CACNA1F: variants seen among roughly 807,000 people sequenced by gnomAD.
The protein encoded by CACNA1F is voltage-dependent L-type calcium channel subunit alpha-1F.
In CACNA1F, 59 loss-of-function variants were observed where a neutral mutation model predicts 143.8. The observed-to-expected ratio is 0.41, with a 90% CI of 0.33 to 0.51. The LOEUF is 0.51. Among genes scored for constraint, CACNA1F ranks in the 20% least tolerant of loss-of-function variants. The pLI is 0.22. For missense variants in CACNA1F, 1,411 were observed against 1,647.5 expected, an observed-to-expected ratio of 0.86 and a Z score of 2.48; for synonymous variants, 643 against 649.1, an observed-to-expected ratio of 0.99 and a Z score of 0.14.
At chrX:49,222,298 C>T in intron 17 of CACNA1F, 1 of 426,245 alleles carries the variant, frequency 2.3e-6, no homozygotes, top group Non-Finnish European at 4.1e-6. Flanking sequence ...GGCAAGGACT[C>T]TTGTCTGCCT....
At position 49,228,359 on chromosome X, in the gene CACNA1F, G is replaced by A. The variant is rs1349325356; in HGVS notation, c.906C>T (p.Arg302=). 1 of 1,209,165 alleles carries A rather than the reference G, an allele frequency of 8.3e-7. No homozygotes were observed. The highest frequency in any genetic ancestry group is 3.0e-5 in the East Asian group (1 of 33,722). ...TGATGCCTCCATTGGGCCCTGGCCA[G>A]CGCCCGCGGCACTCAGTCTGGTTCA... The part of the protein sequence containing the change: ...CTLNQTECRG[R]WPGPNGGITN... Residue 302 remains arginine, a synonymous_variant, in exon 7 of 48, where the codon CGC becomes CGT. Transcript: ENST00000323022.
In CACNA1F at chrX:49,231,003, C is replaced by A; in HGVS notation, c.382-14G>T. ...CTCCACCTGCTCCTGGGGGTGGGAC[C>A]GGGGGGCGGGTCGGGAAGTCGAGGA... On this transcript the variant is annotated splice_polypyrimidine_tract_variant and intron_variant, in intron 3 of 47. Coordinates refer to ENST00000323022, the MANE Select transcript of CACNA1F (RefSeq NM_001256789.3). 7.8e-6 allele frequency: 4 copies of A among 515,528 alleles called. No individual in the cohort carries two copies. Among genetic ancestry groups the A allele is most frequent in the Non-Finnish European group, 8.4e-6 (3 of 356,824 alleles). 42.5% of individuals were successfully genotyped at this position (515,528 alleles called of 1,213,427 possible).
Position 49,209,701 on chromosome X carries a change from G to T in CACNA1F, c.4749C>A (p.Arg1583=), listed in dbSNP as rs781792481. The T allele has an allele frequency of 4.4e-5, 53 of 1,209,838 alleles. No individual in the cohort carries two copies. Among genetic ancestry groups the T allele is most frequent in the Non-Finnish European group, 5.6e-5 (50 of 894,882 alleles). ...CTTTTTCTTTCCTCCGCCGGAATTT[G>T]CGGAAATAGTCCTGGATCAGAAATG... ...YATFLIQDYF[R]KFRRRKEKGL... The change falls in exon 41 of 48, where the codon CGC becomes CGA. Residue 1583 remains arginine, a synonymous_variant. Coordinates refer to ENST00000323022, the MANE Select transcript of CACNA1F (RefSeq NM_001256789.3).
Position 49,220,545 on chromosome X carries a change from G to A in CACNA1F, c.2335-21C>T. 2.6e-6 allele frequency: 3 copies of A among 1,160,680 alleles called. No individual in the cohort carries two copies. In the South Asian group the frequency reaches 5.4e-5, roughly 21 times the overall value. On this transcript the variant is annotated intron_variant, in intron 18 of 47. Transcript: ENST00000323022. ...GGCACCTGAGGACAGGAAGACGGGAGTCATCAATGGTGAGGGAGACACAGG... is the reference window on the plus strand; with the variant it reads ...GGCACCTGAGGACAGGAAGACGGGAATCATCAATGGTGAGGGAGACACAGG...
chrX:49,229,332 T>C (rs989157904), intron 6 of CACNA1F, among the ~76,000 whole-genome samples: 4 of 110,989 alleles, frequency 3.6e-5, no homozygotes, highest in Non-Finnish European at 7.6e-5. Flanking sequence ...CAACTTTGTA[T>C]TTTTAGTAGA....
At chrX:49,219,152 C>T (rs900920586) in intron 21 of CACNA1F, among the ~76,000 whole-genome samples, 169 bp downstream of exon 21, 19 of 111,654 alleles carry the variant, frequency 1.7e-4, no homozygotes, top group Non-Finnish European at 2.8e-4. Flanking sequence ...GGTGCTTCCC[C>T]GTGTGTTGCA....
At chrX:49,226,155 G>A (rs782476242) in intron 12 of CACNA1F, 62 bp downstream of exon 12, 20 of 1,115,683 alleles carry the variant, frequency 1.8e-5, no homozygotes, top group Non-Finnish European at 2.3e-5. Flanking sequence ...GGTCATGAGG[G>A]CTTGGAGGTG....
chrX:49,230,655 A>G lies in CACNA1F; in HGVS notation c.522-46T>C. 5 of 1,139,882 alleles carry G rather than the reference A, an allele frequency of 4.4e-6. No homozygotes were observed. The South Asian group carries it at 6.0e-5, about 14-fold the overall frequency. The allele number at this position is 1,139,882 out of a possible 1,213,427, so 93.9% of individuals were successfully genotyped here. A position where few individuals can be genotyped will look rare whatever the true frequency, so the allele number is the denominator to read the frequency against. ...AGGGAGGCGGAGGTCAGGCCTTGGG[A>G]TTCCCCCCTCCACCCTAACCTTCTC... On this transcript the variant is annotated intron_variant, in intron 4 of 47. Transcript: ENST00000323022.
chrX:49,206,120 C>A (rs142071922), intron 46 of CACNA1F, among the ~76,000 whole-genome samples: 2 of 110,676 alleles, frequency 1.8e-5, no homozygotes, highest in Non-Finnish European at 3.8e-5. Context: ...AGGCCAGGCG[C>A]GGTGGCTTAT....
In CACNA1F at chrX:49,211,475, G is replaced by A; in HGVS notation, c.4107C>T (p.Ala1369=). The change falls in exon 36 of 48, where the codon GCC becomes GCT. Residue 1369 remains alanine, a synonymous_variant. Transcript: ENST00000323022. ...PQAVLLLFRC[A]TGEAWQEIML... is the part of the protein sequence containing the mutation. ...TTATCTCCTGCCATGCCTCACCAGT[G>A]GCACACCTGGTGGGAGTCACACAGG... 8.3e-7 allele frequency: 1 copy of A among 1,206,351 alleles called. No individual in the cohort carries two copies. The highest frequency in any genetic ancestry group is 1.1e-6 in the Non-Finnish European group (1 of 890,502).
chrX:49,221,035 C>T lies in CACNA1F; in HGVS notation c.2334G>A (p.Leu778=), dbSNP rs782410710. 9 of 1,206,877 alleles carry T rather than the reference C, an allele frequency of 7.5e-6. No individual in the cohort carries two copies. Among genetic ancestry groups the T allele is most frequent in the Non-Finnish European group, 1.0e-5 (9 of 890,827 alleles). Reference sequence around the variant, plus strand: ...GACAGTGCCCAGGCATCTAACTCACCAGGCCTTCATTCTCCTGTGGGAGAT... The same window carrying T: ...GACAGTGCCCAGGCATCTAACTCACTAGGCCTTCATTCTCCTGTGGGAGAT... ...EKDLPQENEG[L]VPGVEKEEEE... is the part of the protein sequence containing the mutation. Residue 778 remains leucine (L), a splice_region_variant and synonymous_variant, in exon 18 of 48, where the codon CTG becomes CTA. Transcript: ENST00000323022.
intron 26 of CACNA1F, among the ~76,000 whole-genome samples, chrX:49,216,918 G>A (rs974915398): frequency 1.8e-5 from 2 of 111,226 alleles, no homozygotes; most frequent in Non-Finnish European, 3.8e-5. Flanking sequence ...TATATGCCAG[G>A]CACTGAACTA....
At position 49,205,291 on chromosome X, in the gene CACNA1F, T is replaced by C; in HGVS notation, c.5747A>G (p.Asp1916Gly). Residue 1916 changes from aspartate (D) to glycine (G), a missense_variant, in exon 48 of 48, where the codon GAT (aspartate) becomes GGT (glycine). Physicochemically the swap from Asp to Gly is moderately conservative, Grantham distance 94. Transcript: ENST00000323022. ...FVALAKQEIA[D>G]ACRLTLDEMD... ...CTCATCCAGCGTCAGGCGACACGCA[T>C]CTGCAATCTCCTGCTTGGCCAGGGC... is the stretch of plus-strand genomic sequence containing the variant. 8.3e-7 allele frequency: 1 copy of C among 1,210,004 alleles called. No homozygotes were observed. The highest frequency in any genetic ancestry group is 1.1e-6 in the Non-Finnish European group (1 of 894,703).
intron 33 of CACNA1F, among the ~76,000 whole-genome samples, 177 bp downstream of exon 33, chrX:49,212,490 C>T (rs2065667219): frequency 9.0e-6 from 1 of 111,652 alleles, no homozygotes; most frequent in South Asian, 3.7e-4. Context: ...AGAGTAAGGT[C>T]AGTGAGACCA....
chrX:49,214,059 C>A, intron 30 of CACNA1F, 100 bp downstream of exon 30: 2 of 664,647 alleles, frequency 3.0e-6, no homozygotes, highest in South Asian at 4.4e-5. Flanking sequence ...GACTCACACT[C>A]CCTGGCTGCT....
chrX:49,207,247 A>G (rs1557105163), intron 43 of CACNA1F, 135 bp from the exon 44 acceptor site: 1 of 478,441 alleles, frequency 2.1e-6, no homozygotes, highest in East Asian at 3.7e-5. Context: ...GACAAGTCAC[A>G]TAAAATTAAC....
Position 49,209,912 on chromosome X carries a change from CGCGGGGAACTGGG to C in CACNA1F, c.4690+16_4690+28del. ...CGATCATCTGCCATTCAGGGGCTGG[CGCGGGGAACTGGG>C]GCGGGGATAGCTCACCGTCTGGTGG... On this transcript the variant is annotated intron_variant, in intron 40 of 47. Coordinates refer to ENST00000323022, the MANE Select transcript of CACNA1F (RefSeq NM_001256789.3). 2.6e-6 allele frequency: 3 copies of C among 1,144,389 alleles called. No individual in the cohort carries two copies. Among genetic ancestry groups the C allele is most frequent in the Non-Finnish European group, 1.2e-6 (1 of 834,360 alleles). 94.3% of individuals were successfully genotyped at this position (1,144,389 alleles called of 1,213,427 possible).
chrX:49,219,229 C>G, intron 21 of CACNA1F, 92 bp downstream of exon 21: 1 of 1,003,243 alleles, frequency 1.0e-6, no homozygotes, highest in Non-Finnish European at 1.4e-6. Context: ...ACCTAGGGCT[C>G]TTCTCCTTAT....
intron 6 of CACNA1F, among the ~76,000 whole-genome samples, chrX:49,229,503 C>T (rs1218632000): frequency 8.9e-6 from 1 of 112,481 alleles, no homozygotes; most frequent in Non-Finnish European, 1.9e-5. Flanking sequence ...TTTTTGGAGA[C>T]TGGATCTCAC....
Sources: allele counts gnomAD v4.1 joint callset (sites outside exome capture counted in the v4.1 genomes callset), GRCh38; gene constraint gnomAD v4.1.1; transcripts MANE v1.5; gene names NCBI Gene and HGNC (gene_info 2026-07-23, HGNC 2026-07-21).